The following TP63 variants were observed in gnomAD, a reference collection of about 807,000 sequenced individuals.
TP63 encodes tumor protein 63.
A neutral mutation model predicts 82.8 loss-of-function variants in TP63; 17 were observed. The observed-to-expected ratio is 0.21, with a 90% CI of 0.14 to 0.31. The LOEUF is 0.31. Among genes scored for constraint, TP63 ranks in the 10% least tolerant of loss-of-function variants. The pLI is 1.00. For missense variants in TP63, 648 were observed against 895.3 expected (o/e 0.72, Z 3.52); for synonymous variants, 330 against 321.7 (o/e 1.03, Z -0.28).
chr3:189,659,392 C>G (rs1366471018), intron 1 of TP63, among the ~76,000 whole-genome samples: 7 of 152,104 alleles, frequency 4.6e-5, no homozygotes, highest in African/African-American at 9.6e-5. Flanking sequence ...TGATTTCATT[C>G]TCTTTTATGG....
chr3:189,627,793 A>G (rs1040497767), upstream of TP63, among the ~76,000 whole-genome samples: 5 of 152,098 alleles, frequency 3.3e-5, no homozygotes, highest in Non-Finnish European at 1.5e-5. Context: ...GGTTGTTGGA[A>G]TCTTGATTGC....
upstream of TP63, among the ~76,000 whole-genome samples, chr3:189,629,158 G>C (rs543473908): frequency 9.2e-5 from 14 of 152,172 alleles, no homozygotes; most frequent in African/African-American, 3.1e-4. Context: ...CGGGAGGATA[G>C]CTTGAGTCCA....
intron 13 of TP63, among the ~76,000 whole-genome samples, chr3:189,893,545 G>C (rs1320935184): frequency 1.3e-5 from 2 of 152,184 alleles, no homozygotes; most frequent in Non-Finnish European, 2.9e-5. Context: ...CATAGACACA[G>C]TTGCTCTGCA....
chr3:189,790,609 G>A (rs1169048227), intron 3 of TP63, among the ~76,000 whole-genome samples: 2 of 152,006 alleles, frequency 1.3e-5, no homozygotes, highest in South Asian at 2.1e-4. Context: ...TGAAGAGACT[G>A]TAAGGCTTTG....
chr3:189,791,521 T>C (rs1232838190), intron 3 of TP63, among the ~76,000 whole-genome samples: 1 of 152,140 alleles, frequency 6.6e-6, no homozygotes. Flanking sequence ...TTTTAGTTTT[T>C]CACAACTCTA....
intron 3 of TP63, among the ~76,000 whole-genome samples, chr3:189,764,625 A>G (rs1215688642): frequency 6.6e-6 from 1 of 152,162 alleles, no homozygotes; most frequent in African/African-American, 2.4e-5. Context: ...TTTGTCTACT[A>G]AAGTTATCCA....
chr3:189,869,503 A>T lies in TP63; in HGVS notation c.1212+97A>T, dbSNP rs543073099. On this transcript the variant is annotated intron_variant, in intron 9 of 13. Transcript: ENST00000264731. Reference sequence around the variant, plus strand: ...TCATCTCATTATCTGTGACAATGGGAAAGGAGGTGTCTTAGTCAGTTGAAG... The same window carrying T: ...TCATCTCATTATCTGTGACAATGGGTAAGGAGGTGTCTTAGTCAGTTGAAG... The T allele has an allele frequency of 2.2e-5, 24 of 1,112,658 alleles. No homozygotes were observed. The South Asian group carries it at 3.0e-4, about 14-fold the overall frequency. 68.9% of individuals were successfully genotyped at this position (1,112,658 alleles called of 1,614,324 possible).
intron 3 of TP63, among the ~76,000 whole-genome samples, chr3:189,751,263 A>G (rs1721802720): frequency 6.6e-6 from 1 of 152,192 alleles, no homozygotes; most frequent in Non-Finnish European, 1.5e-5. Context: ...TATTGTGAAT[A>G]GTGCCGCAAT....
chr3:189,804,113 C>T (rs1017298068), intron 3 of TP63, among the ~76,000 whole-genome samples: 6 of 152,114 alleles, frequency 3.9e-5, no homozygotes, highest in African/African-American at 7.2e-5. Flanking sequence ...TTCCAAAGGC[C>T]GTTTTTATGG....
rs114271945 is a variant in TP63, at chr3:189,690,087, T to C, written c.63-47653T>C. ...TGAATAAGATGACATGGGTTTAAAC[T>C]CATACTCAGCTACTTGCTAGTTTTG... is the stretch of plus-strand genomic sequence containing the variant. On this transcript the variant is annotated intron_variant, in intron 1 of 13. Transcript: ENST00000264731. Among the ~76,000 whole-genome samples, 777 of 151,572 alleles carry C rather than the reference T, an allele frequency of 5.1e-3. 9 individuals carry two copies. Among genetic ancestry groups the C allele is most frequent in the African/African-American group, 0.017 (719 of 41,150 alleles).
chr3:189,859,513 T>C (rs1009527997), intron 4 of TP63, among the ~76,000 whole-genome samples: 2 of 152,194 alleles, frequency 1.3e-5, no homozygotes, highest in African/African-American at 4.8e-5. Context: ...CAATGAGATC[T>C]GCATACATAC....
At chr3:189,865,250 A>T (rs958782963) in intron 5 of TP63, among the ~76,000 whole-genome samples, 1 of 152,200 alleles carries the variant, frequency 6.6e-6, no homozygotes, top group African/African-American at 2.4e-5. Flanking sequence ...AGGGGAATAA[A>T]TAGAAGGCCT....
At chr3:189,784,907 C>A (rs1724483064) in intron 3 of TP63, among the ~76,000 whole-genome samples, 2 of 152,030 alleles carry the variant, frequency 1.3e-5, no homozygotes, top group African/African-American at 4.8e-5. Flanking sequence ...AATATTAGAA[C>A]TTTAAAAGTT....
chr3:189,854,529 G>A (rs1295525924), intron 4 of TP63, among the ~76,000 whole-genome samples: 6 of 152,022 alleles, frequency 3.9e-5, no homozygotes, highest in Non-Finnish European at 5.9e-5. Flanking sequence ...CACTGCGCCC[G>A]GCCTCTCCTA....
chr3:189,791,057 G>T (rs1014481910), intron 3 of TP63, among the ~76,000 whole-genome samples: 1 of 152,086 alleles, frequency 6.6e-6, no homozygotes, highest in Non-Finnish European at 1.5e-5. Flanking sequence ...TGAGTTTCTT[G>T]TTTTGCAGTT....
chr3:189,678,796 T>C (rs1245183728), intron 1 of TP63, among the ~76,000 whole-genome samples: 22 of 152,060 alleles, frequency 1.4e-4, no homozygotes, highest in Non-Finnish European at 2.9e-5. Flanking sequence ...CAGTGTTTTG[T>C]AGTTTTCCTT....
chr3:189,825,410 G>A (rs1478435575), intron 4 of TP63, among the ~76,000 whole-genome samples: 2 of 152,212 alleles, frequency 1.3e-5, no homozygotes, highest in African/African-American at 4.8e-5. Flanking sequence ...TCATTCGTGA[G>A]TCTACCGATT....
At chr3:189,844,332 C>CA (rs1378930287) in intron 4 of TP63, 1 of 408,128 alleles carries the variant, frequency 2.5e-6, no homozygotes, top group East Asian at 8.5e-5. Context: ...CCACCACGCC[C>CA]AGCTAATTTT....
At chr3:189,628,483 C>G (rs1159177116), upstream of TP63, among the ~76,000 whole-genome samples, 7 of 152,238 alleles carry the variant, frequency 4.6e-5, no homozygotes, top group East Asian at 1.4e-3. Flanking sequence ...GTCCCTTTCT[C>G]CTACGTTATG....
Sources: gnomAD v4.1 joint callset for allele counts (sites outside exome capture counted in the v4.1 genomes callset) on GRCh38, gnomAD v4.1.1 for gene constraint, MANE v1.5 for transcripts, NCBI Gene and HGNC (gene_info 2026-07-23, HGNC 2026-07-21) for gene names.